The following PIP4K2A variants were observed in gnomAD, a reference collection of about 807,000 sequenced individuals.
The protein encoded by PIP4K2A is phosphatidylinositol 5-phosphate 4-kinase type-2 alpha.
A neutral mutation model predicts 42.9 loss-of-function variants in PIP4K2A; 14 were observed. The observed-to-expected ratio is 0.33, with a 90% CI of 0.22 to 0.51. PIP4K2A has a LOEUF of 0.51. PIP4K2A is among the 20% of genes least tolerant of loss of function. The pLI, the probability that PIP4K2A is intolerant of heterozygous loss-of-function variation, is 0.97. For missense variants in PIP4K2A, 434 were observed against 519.8 expected, an observed-to-expected ratio of 0.83 and a Z score of 1.61; for synonymous variants, 192 against 192.2, an observed-to-expected ratio of 1.00 and a Z score of 0.01.
intron 4 of PIP4K2A, among the ~76,000 whole-genome samples, chr10:22,578,929 C>T (rs758797507): frequency 6.6e-6 from 1 of 152,150 alleles, no homozygotes; most frequent in Non-Finnish European, 1.5e-5. Context: ...ATAATTAACA[C>T]CATGACCCTT....
intron 9 of PIP4K2A, among the ~76,000 whole-genome samples, chr10:22,538,044 A>G (rs1014704467): frequency 6.6e-6 from 1 of 152,200 alleles, no homozygotes; most frequent in African/African-American, 2.4e-5. Flanking sequence ...AGCACACTCA[A>G]GGGAGTCACT....
intron 1 of PIP4K2A, among the ~76,000 whole-genome samples, chr10:22,676,324 T>C (rs1839557997): frequency 6.6e-6 from 1 of 152,160 alleles, no homozygotes; most frequent in Non-Finnish European, 1.5e-5. Flanking sequence ...CTACAGAAGT[T>C]GTTCACAGTG....
chr10:22,678,116 T>G (rs1047959723), intron 1 of PIP4K2A, among the ~76,000 whole-genome samples: 1 of 152,146 alleles, frequency 6.6e-6, no homozygotes, highest in Non-Finnish European at 1.5e-5. Context: ...ATAAAAATTA[T>G]GTTCAATTTT....
chr10:22,536,990 A>C lies in PIP4K2A; in HGVS notation c.*211T>G. The stretch of plus-strand genomic sequence containing the variant: ...CCAACACACACACACACACATATAC[A>C]CAAAGTCAGAAATAGCTAGAACGAT... On this transcript the variant is annotated 3_prime_UTR_variant, in exon 10 of 10. Coordinates refer to ENST00000376573, the MANE Select transcript of PIP4K2A (RefSeq NM_005028.5). 6.4e-6 allele frequency: 3 copies of C among 471,620 alleles called. No homozygotes were observed. Among genetic ancestry groups the C allele is most frequent in the South Asian group, 2.2e-5 (1 of 45,934 alleles). 29.2% of individuals were successfully genotyped at this position (471,620 alleles called of 1,614,324 possible).
chr10:22,598,076 G>T (rs1333600157), intron 3 of PIP4K2A, among the ~76,000 whole-genome samples: 1 of 152,158 alleles, frequency 6.6e-6, no homozygotes, highest in Non-Finnish European at 1.5e-5. Flanking sequence ...CAAAATTGGG[G>T]GCTGGGCACA....
intron 5 of PIP4K2A, among the ~76,000 whole-genome samples, chr10:22,569,655 CTGTGTG>C (rs145635674): frequency 6.6e-6 from 1 of 151,172 alleles, no homozygotes; most frequent in Non-Finnish European, 1.5e-5. Context: ...GTGTGTGTGT[CTGTGTG>C]TGTGTGTGTC....
At chr10:22,552,983 T>A (rs1385497190) in intron 6 of PIP4K2A, among the ~76,000 whole-genome samples, 1 of 151,914 alleles carries the variant, frequency 6.6e-6, no homozygotes, top group Non-Finnish European at 1.5e-5. Context: ...GTAACACAAG[T>A]CACATTAATG....
At chr10:22,658,951 G>A (rs1232847173) in intron 1 of PIP4K2A, among the ~76,000 whole-genome samples, 4 of 152,204 alleles carry the variant, frequency 2.6e-5, no homozygotes, top group Non-Finnish European at 1.5e-5. Flanking sequence ...GCTCCATAGG[G>A]TTCCTAAGCA....
At chr10:22,579,020 C>T (rs1837190560) in intron 4 of PIP4K2A, among the ~76,000 whole-genome samples, 1 of 152,002 alleles carries the variant, frequency 6.6e-6, no homozygotes, top group African/African-American at 2.4e-5. Flanking sequence ...AAGGGAAGCC[C>T]CAGATTTTTC....
At chr10:22,712,914 G>A (rs1356252028) in intron 1 of PIP4K2A, among the ~76,000 whole-genome samples, 1 of 82,524 alleles carries the variant, frequency 1.2e-5, no homozygotes, top group Admixed American at 9.9e-5. Context: ...TACATTGAGG[G>A]TGTGTGTGTG....
chr10:22,560,152 G>C (rs1000904393), intron 6 of PIP4K2A, among the ~76,000 whole-genome samples: 2 of 152,224 alleles, frequency 1.3e-5, no homozygotes, highest in East Asian at 3.9e-4. Flanking sequence ...CTTCTATCTC[G>C]GAAGAAAAGG....
intron 1 of PIP4K2A, among the ~76,000 whole-genome samples, chr10:22,631,522 C>T (rs1838547795): frequency 6.6e-6 from 1 of 152,116 alleles, no homozygotes; most frequent in East Asian, 1.9e-4. Flanking sequence ...TTCCAGCTTC[C>T]AGAACTGGGA....
chr10:22,611,034 A>C (rs1258751840), intron 1 of PIP4K2A, among the ~76,000 whole-genome samples: 1 of 152,216 alleles, frequency 6.6e-6, no homozygotes, highest in Admixed American at 6.5e-5. Flanking sequence ...AGATGAACAA[A>C]AGATGATTAT....
intron 1 of PIP4K2A, among the ~76,000 whole-genome samples, chr10:22,651,346 C>G (rs1838992868): frequency 6.6e-6 from 1 of 152,216 alleles, no homozygotes; most frequent in Admixed American, 6.5e-5. Context: ...TCCAATTGCT[C>G]TTAGGAAAAA....
chr10:22,683,988 C>T (rs1207096617), intron 1 of PIP4K2A, among the ~76,000 whole-genome samples: 2 of 152,094 alleles, frequency 1.3e-5, no homozygotes, highest in African/African-American at 4.8e-5. Flanking sequence ...CGGCCAAATA[C>T]CCATTAGAAA....
chr10:22,610,754 G>T (rs147148094), intron 1 of PIP4K2A, among the ~76,000 whole-genome samples: 1 of 152,176 alleles, frequency 6.6e-6, no homozygotes, highest in East Asian at 1.9e-4. Context: ...TGGGCCAAAC[G>T]AAAGCTGGGA....
chr10:22,669,265 C>T (rs1027028787), intron 1 of PIP4K2A, among the ~76,000 whole-genome samples: 8 of 151,924 alleles, frequency 5.3e-5, no homozygotes, highest in Non-Finnish European at 5.9e-5. Flanking sequence ...AGTTATGAGC[C>T]GCATAACGAC....
intron 1 of PIP4K2A, among the ~76,000 whole-genome samples, chr10:22,621,493 A>T (rs1370038576): frequency 6.6e-6 from 1 of 152,238 alleles, no homozygotes; most frequent in African/African-American, 2.4e-5. Context: ...CTAAAACTAG[A>T]GTTCCCCAAG....
Position 22,704,557 on chromosome 10 carries a change from G to A in PIP4K2A, c.144+9626C>T, listed in dbSNP as rs190814329. Among the ~76,000 whole-genome samples, 67 of 148,980 alleles carry A rather than the reference G, an allele frequency of 4.5e-4. 1 individual carries two copies. The East Asian group carries it at 8.8e-3, about 20-fold the overall frequency. ...TATAATCCCAGCACTTAGGGAGTCTGAAGCAGGACTGCTTGAGACCAGGAG... is the reference window on the plus strand; with the variant it reads ...TATAATCCCAGCACTTAGGGAGTCTAAAGCAGGACTGCTTGAGACCAGGAG... On this transcript the variant is annotated intron_variant, in intron 1 of 9. Transcript: ENST00000376573.
Sources: allele counts gnomAD v4.1 joint callset (sites outside exome capture counted in the v4.1 genomes callset), GRCh38; gene constraint gnomAD v4.1.1; transcripts MANE v1.5; gene names NCBI Gene and HGNC (gene_info 2026-07-23, HGNC 2026-07-21).